Variants in CAMK2A observed in about 807,000 individuals in gnomAD.
The protein encoded by CAMK2A is calcium/calmodulin-dependent protein kinase type II subunit alpha.
A neutral mutation model predicts 79.2 loss-of-function variants in CAMK2A; 7 were observed. That is an observed-to-expected ratio of 0.09 (90% confidence interval 0.05 to 0.17). CAMK2A has a LOEUF of 0.17. Among genes scored for constraint, CAMK2A ranks in the 10% least tolerant of loss-of-function variants. The pLI, the probability that CAMK2A is intolerant of heterozygous loss-of-function variation, is 1.00. For synonymous variants in CAMK2A, 242 were observed against 251.7 expected, an observed-to-expected ratio of 0.96 and a Z score of 0.36; for missense variants, 214 against 646.4, an observed-to-expected ratio of 0.33 and a Z score of 7.25.
intron 6 of CAMK2A, among the ~76,000 whole-genome samples, chr5:150,255,701 A>C (rs1756026431): frequency 6.6e-6 from 1 of 152,194 alleles, no homozygotes; most frequent in East Asian, 1.9e-4. Flanking sequence ...GGTTTGATGG[A>C]CATCTGGCAG....
Position 150,287,937 on chromosome 5 carries a change from CTGTGTG to C in CAMK2A, c.62+1621_62+1626del, listed in dbSNP as rs57886187. Among the ~76,000 whole-genome samples the C allele has an allele frequency of 1.9e-3, 264 of 140,868 alleles. 1 individual carries two copies. Among genetic ancestry groups the C allele is most frequent in the East Asian group, 0.016 (76 of 4,644 alleles). The allele number at this position is 140,868 out of a possible 152,430, so 92.4% of individuals were successfully genotyped here. A position where few individuals can be genotyped will look rare whatever the true frequency, so the allele number is the denominator to read the frequency against. On this transcript the variant is annotated intron_variant, in intron 1 of 18. Transcript: ENST00000671881. ...GTGGTGCATGCCTGTAGGATAGCCT[CTGTGTG>C]TGTGTGTGTGTGTGTGTGTGTGTGT...
rs547903706 is a variant in CAMK2A at position 150,284,386 on chromosome 5, C to T, written c.62+5178G>A. Among the ~76,000 whole-genome samples, 2 of 152,124 alleles carry T rather than the reference C, an allele frequency of 1.3e-5. No individual in the cohort carries two copies. Among genetic ancestry groups the T allele is most frequent in the East Asian group, 1.9e-4 (1 of 5,170 alleles). On this transcript the variant is annotated intron_variant, in intron 1 of 18. Coordinates refer to ENST00000671881, the MANE Select transcript of CAMK2A (RefSeq NM_015981.4). This position sits in a 1 kb window ranked among gnomAD's most constrained non-coding sequence, Gnocchi z 5.3. Reference sequence around the variant, plus strand: ...GCACGCATGCATCAGCAACAGGATGCGAGTGTTGCACTCCGAGGCTCTGCC... The same window carrying T: ...GCACGCATGCATCAGCAACAGGATGTGAGTGTTGCACTCCGAGGCTCTGCC...
intron 17 of CAMK2A, among the ~76,000 whole-genome samples, chr5:150,226,755 GGA>G (rs1754620401): frequency 1.5e-5 from 2 of 132,268 alleles, no homozygotes; most frequent in African/African-American, 2.7e-5. Flanking sequence ...GGGGGGGGGG[GGA>G]TTTTCCTGAA....
chr5:150,242,160 G>A (rs183420100), intron 13 of CAMK2A, among the ~76,000 whole-genome samples: 6 of 152,338 alleles, frequency 3.9e-5, no homozygotes, highest in East Asian at 1.9e-4. Context: ...GGAGGGGGAC[G>A]TTGCTTCTTG....
At chr5:150,279,484 G>C (rs1276532874) in intron 1 of CAMK2A, among the ~76,000 whole-genome samples, 1 of 152,162 alleles carries the variant, frequency 6.6e-6, no homozygotes, top group African/African-American at 2.4e-5. Context: ...AATAAGGTAG[G>C]CAATGAGTTT....
intron 1 of CAMK2A, among the ~76,000 whole-genome samples, chr5:150,275,640 C>T (rs542383710): frequency 2.4e-4 from 36 of 152,274 alleles, no homozygotes; most frequent in Non-Finnish European, 4.9e-4. Context: ...ACTAGGAAAA[C>T]GCTTACTTAC....
intron 3 of CAMK2A, among the ~76,000 whole-genome samples, chr5:150,263,628 T>C (rs998642980): frequency 1.3e-5 from 2 of 151,064 alleles, no homozygotes; most frequent in Admixed American, 1.3e-4. Context: ...CACACTCACA[T>C]TCACACACAT....
chr5:150,274,368 G>C (rs1256056475), intron 1 of CAMK2A, among the ~76,000 whole-genome samples: 1 of 152,208 alleles, frequency 6.6e-6, no homozygotes, highest in African/African-American at 2.4e-5. Context: ...TCTGGATATT[G>C]ATGAGAAGTT....
At chr5:150,228,149 C>T (rs769152779) in intron 17 of CAMK2A, 43 bp downstream of exon 17, 41 of 1,515,420 alleles carry the variant, frequency 2.7e-5, no homozygotes, top group Middle Eastern at 3.4e-4. Context: ...GGACATGGAA[C>T]GAGAGCAGAC....
chr5:150,250,404 G>T, intron 10 of CAMK2A, 95 bp from the exon 11 acceptor site: 3 of 1,041,968 alleles, frequency 2.9e-6, no homozygotes, highest in Non-Finnish European at 3.0e-6. Flanking sequence ...TAATGGAGGT[G>T]TGGTTGACAT....
intron 1 of CAMK2A, among the ~76,000 whole-genome samples, chr5:150,280,837 C>T (rs1026824059): frequency 4.4e-4 from 67 of 152,300 alleles, no homozygotes; most frequent in African/African-American, 1.4e-3. Flanking sequence ...TTGCTGCTCC[C>T]GGCCTCTTTC....
rs1197394798 is a variant in CAMK2A at position 150,250,781 on chromosome 5, G to C, written c.723C>G (p.Thr241=). The C allele has an allele frequency of 3.1e-6, 5 of 1,614,088 alleles. No homozygotes were observed. The highest frequency in any genetic ancestry group is 3.3e-5 in the Admixed American group (2 of 60,022). The part of the protein sequence containing the change: ...DFPSPEWDTV[T]PEAKDLINKM... ...TATTGATCAGATCCTTGGCTTCCGG[G>C]GTGACAGTGTCCCATTCCGGCGATG... Residue 241 remains threonine (T), a synonymous_variant, in exon 10 of 19, where the codon ACC becomes ACG. Transcript: ENST00000671881.
chr5:150,255,887 C>T (rs1382751609), intron 6 of CAMK2A, among the ~76,000 whole-genome samples: 2 of 152,190 alleles, frequency 1.3e-5, no homozygotes, highest in Non-Finnish European at 2.9e-5. Context: ...GCCTTAGTTT[C>T]CTGCTCTGCA....
At chr5:150,273,247 G>A (rs900399982) in intron 1 of CAMK2A, 88 bp from the exon 2 acceptor site, 9 of 979,194 alleles carry the variant, frequency 9.2e-6, no homozygotes, top group Middle Eastern at 2.1e-4. Flanking sequence ...ACTGCCCCAC[G>A]CTAGACAGAA....
upstream of CAMK2A, chr5:150,289,774 G>T: frequency 3.3e-6 from 2 of 603,990 alleles, no homozygotes; most frequent in South Asian, 2.1e-5. Context: ...CGGGGCTTCT[G>T]AGCAGGGCAC....
At chr5:150,240,225 C>A (rs1562149707) in intron 13 of CAMK2A, among the ~76,000 whole-genome samples, 1 of 152,190 alleles carries the variant, frequency 6.6e-6, no homozygotes, top group Non-Finnish European at 1.5e-5. Flanking sequence ...ACTTGGGAAA[C>A]TCGTTACAAT....
At chr5:150,280,357 T>C (rs1456750634) in intron 1 of CAMK2A, among the ~76,000 whole-genome samples, 3 of 152,156 alleles carry the variant, frequency 2.0e-5, no homozygotes, top group Non-Finnish European at 4.4e-5. Flanking sequence ...TGCTCTTCAT[T>C]GACTGTTTCC....
At chr5:150,227,310 T>G (rs1580895690) in intron 17 of CAMK2A, among the ~76,000 whole-genome samples, 1 of 151,816 alleles carries the variant, frequency 6.6e-6, no homozygotes, top group African/African-American at 2.4e-5. Flanking sequence ...TCTTTCCCCC[T>G]GATGGAGCCA....
chr5:150,264,817 C>T, intron 3 of CAMK2A, 139 bp downstream of exon 3: 1 of 678,700 alleles, frequency 1.5e-6, no homozygotes, highest in South Asian at 1.6e-5. Context: ...TAAAGACGCC[C>T]CCTTTCCCAT....
Sources: gnomAD v4.1 joint callset for allele counts (sites outside exome capture counted in the v4.1 genomes callset) on GRCh38, gnomAD v4.1.1 for gene constraint, Gnocchi (gnomAD v3.1) non-coding constraint, MANE v1.5 for transcripts, NCBI Gene and HGNC (gene_info 2026-07-23, HGNC 2026-07-21) for gene names.